The following ADGRL3 variants were observed in gnomAD, a reference collection of about 807,000 sequenced individuals.
ADGRL3 encodes the protein adhesion G protein-coupled receptor L3.
A neutral mutation model predicts 153.5 loss-of-function variants in ADGRL3; 62 were observed. The ratio of observed to expected loss-of-function variants is 0.40; its 90% confidence interval spans 0.33 to 0.50. The LOEUF is 0.50. Ranked by LOEUF, ADGRL3 falls within the 20% of genes least tolerant of loss-of-function variation. ADGRL3 has a pLI of 0.47. For missense variants in ADGRL3, 1,641 were observed against 1,859.4 expected (o/e 0.88, Z 2.16); for synonymous variants, 710 against 672.5 (o/e 1.06, Z -0.86).
At chr4:61,374,467 G>A (rs1490514414) in intron 1 of ADGRL3, among the ~76,000 whole-genome samples, 1 of 151,870 alleles carries the variant, frequency 6.6e-6, no homozygotes, top group Non-Finnish European at 1.5e-5. Flanking sequence ...AAGTTACATT[G>A]GTTTGATTTC....
At chr4:61,409,620 C>T (rs1056886361) in intron 2 of ADGRL3, among the ~76,000 whole-genome samples, 8 of 150,966 alleles carry the variant, frequency 5.3e-5, no homozygotes, top group Admixed American at 2.0e-4. Context: ...TAAATGTTTT[C>T]GTTATAGACA....
chr4:61,420,095 C>T (rs2097186475), intron 2 of ADGRL3, among the ~76,000 whole-genome samples: 2 of 152,128 alleles, frequency 1.3e-5, no homozygotes, highest in Admixed American at 1.3e-4. Context: ...AGCCACCATG[C>T]CCAGCCCGTA....
intron 5 of ADGRL3, among the ~76,000 whole-genome samples, chr4:61,642,532 T>A (rs535667697): frequency 6.6e-6 from 1 of 152,294 alleles, no homozygotes; most frequent in South Asian, 2.1e-4. Context: ...CAGCACCATT[T>A]ATTAAATAGG....
chr4:61,537,729 G>C (rs1250723277), intron 4 of ADGRL3, among the ~76,000 whole-genome samples: 2 of 152,112 alleles, frequency 1.3e-5, no homozygotes, highest in African/African-American at 2.4e-5. Context: ...TGTATAGAGA[G>C]AGACATTTAA....
At chr4:61,455,170 C>G (rs752071950) in intron 2 of ADGRL3, among the ~76,000 whole-genome samples, 21 of 152,108 alleles carry the variant, frequency 1.4e-4, no homozygotes, top group South Asian at 6.2e-4. Flanking sequence ...ATTTGGAACA[C>G]TTCAAAGAGT....
intron 5 of ADGRL3, among the ~76,000 whole-genome samples, chr4:61,631,744 C>T (rs1435039450): frequency 2.6e-5 from 4 of 152,062 alleles, no homozygotes; most frequent in African/African-American, 9.7e-5. Flanking sequence ...TGTTACTCAA[C>T]TAAAATAAGC....
At chr4:61,478,304 T>C (rs1449790059) in intron 2 of ADGRL3, among the ~76,000 whole-genome samples, 1 of 152,046 alleles carries the variant, frequency 6.6e-6, no homozygotes, top group Non-Finnish European at 1.5e-5. Context: ...GCATCTCTAG[T>C]GATGTCAAAG....
At chr4:61,491,808 G>A (rs774697055) in intron 2 of ADGRL3, among the ~76,000 whole-genome samples, 50 of 151,950 alleles carry the variant, frequency 3.3e-4, no homozygotes, top group Non-Finnish European at 5.7e-4. Context: ...TTTATGCCAC[G>A]TTACTATAAA....
At chr4:61,288,062 G>C (rs547567931) in intron 1 of ADGRL3, among the ~76,000 whole-genome samples, 1 of 151,874 alleles carries the variant, frequency 6.6e-6, no homozygotes, top group Admixed American at 6.6e-5. Flanking sequence ...ACCATAACTG[G>C]AACAGTATCT....
intron 1 of ADGRL3, among the ~76,000 whole-genome samples, chr4:61,286,979 C>T (rs536385851): frequency 3.3e-5 from 5 of 151,612 alleles, no homozygotes; most frequent in East Asian, 3.9e-4. Context: ...AGTCAAAGGC[C>T]TCTATCAGTT....
At chr4:61,432,003 T>C (rs905147966) in intron 2 of ADGRL3, among the ~76,000 whole-genome samples, 7 of 152,172 alleles carry the variant, frequency 4.6e-5, no homozygotes, top group Admixed American at 3.3e-4. Context: ...ATTTGTAGTA[T>C]TTATATTAAC....
intron 17 of ADGRL3, among the ~76,000 whole-genome samples, chr4:61,949,015 CAG>C (rs1485164805): frequency 3.7e-5 from 5 of 135,654 alleles, no homozygotes; most frequent in Admixed American, 2.3e-4. Flanking sequence ...TCAGGAAACT[CAG>C]AAAAAAAAAA....
chr4:61,416,228 T>C (rs1051805625), intron 2 of ADGRL3, among the ~76,000 whole-genome samples: 2 of 152,088 alleles, frequency 1.3e-5, no homozygotes, highest in African/African-American at 4.8e-5. Context: ...GAAATATGTC[T>C]GTCTCAATTT....
At chr4:61,485,363 A>G (rs1322747214) in intron 2 of ADGRL3, among the ~76,000 whole-genome samples, 1 of 152,238 alleles carries the variant, frequency 6.6e-6, no homozygotes, top group Non-Finnish European at 1.5e-5. Context: ...TTTTATGTAA[A>G]GAATTTTTTA....
At chr4:61,996,931 A>G (rs146082367) in intron 20 of ADGRL3, among the ~76,000 whole-genome samples, 2 of 152,284 alleles carry the variant, frequency 1.3e-5, no homozygotes, top group East Asian at 1.9e-4. Context: ...CTTAATTTAG[A>G]TAAAACTGTT....
intron 1 of ADGRL3, among the ~76,000 whole-genome samples, chr4:61,228,239 T>C (rs914819154): frequency 6.6e-6 from 1 of 152,234 alleles, no homozygotes; most frequent in Non-Finnish European, 1.5e-5. Flanking sequence ...AGAATGATGA[T>C]GTCCTTTTCT....
At chr4:61,756,694 T>C (rs959956411) in intron 8 of ADGRL3, among the ~76,000 whole-genome samples, 7 of 152,222 alleles carry the variant, frequency 4.6e-5, no homozygotes, top group Admixed American at 2.6e-4. Context: ...CCCTGTCTTG[T>C]GCCGGTTTCC....
At chr4:61,489,277 C>T (rs1472745169) in intron 2 of ADGRL3, among the ~76,000 whole-genome samples, 3 of 151,746 alleles carry the variant, frequency 2.0e-5, no homozygotes, top group Non-Finnish European at 2.9e-5. Context: ...TCTAAAGCTC[C>T]TATTATGTCC....
chr4:61,783,411 T>C (rs1258759256), intron 8 of ADGRL3, among the ~76,000 whole-genome samples: 3 of 152,080 alleles, frequency 2.0e-5, no homozygotes, highest in Non-Finnish European at 4.4e-5. Context: ...TATATATATA[T>C]GGTATGTCCA....
Sources: gnomAD v4.1 joint callset for allele counts (sites outside exome capture counted in the v4.1 genomes callset) on GRCh38, gnomAD v4.1.1 for gene constraint, MANE v1.5 for transcripts, NCBI Gene and HGNC (gene_info 2026-07-23, HGNC 2026-07-21) for gene names.